The following NCAM2 variants were observed in gnomAD, a reference collection of about 807,000 sequenced individuals.
NCAM2 encodes the protein neural cell adhesion molecule 2.
A neutral mutation model predicts 98.1 loss-of-function variants in NCAM2; 30 were observed. The ratio of observed to expected loss-of-function variants is 0.31; its 90% CI spans 0.23 to 0.41. The LOEUF (loss-of-function observed/expected upper bound fraction) is 0.41. Ranked by LOEUF, NCAM2 falls within the 10% of genes least tolerant of loss-of-function variation. NCAM2 has a pLI of 1.00. For missense variants in NCAM2, 867 were observed against 1,005.8 expected (o/e 0.86, Z 1.87); for synonymous variants, 368 against 342.4 (o/e 1.07, Z -0.83).
At chr21:21,359,750 A>G (rs1051382810) in intron 8 of NCAM2, among the ~76,000 whole-genome samples, 1 of 151,946 alleles carries the variant, frequency 6.6e-6, no homozygotes, top group Non-Finnish European at 1.5e-5. Context: ...ACATCTGCTT[A>G]TGAAGTAGTC....
chr21:21,376,009 A>AG (rs1201783925), intron 9 of NCAM2, among the ~76,000 whole-genome samples: 1 of 151,864 alleles, frequency 6.6e-6, no homozygotes, highest in Admixed American at 6.6e-5. Context: ...ACAGTAAGGC[A>AG]GAGTGGCTCG....
intron 5 of NCAM2, among the ~76,000 whole-genome samples, chr21:21,298,526 T>C (rs2073575619): frequency 6.6e-6 from 1 of 151,574 alleles, no homozygotes; most frequent in African/African-American, 2.4e-5. Flanking sequence ...TTTCTCCTTA[T>C]CTCTTATATA....
intron 1 of NCAM2, among the ~76,000 whole-genome samples, chr21:21,228,172 G>A (rs73316755): frequency 7.3e-5 from 11 of 151,500 alleles, no homozygotes; most frequent in Admixed American, 6.6e-4. Flanking sequence ...GCCAATTATG[G>A]TCTCACTAGT....
At chr21:21,318,609 T>A (rs2074286956) in intron 5 of NCAM2, among the ~76,000 whole-genome samples, 1 of 152,214 alleles carries the variant, frequency 6.6e-6, no homozygotes, top group Middle Eastern at 3.2e-3. Context: ...GAAAATTGTA[T>A]AATGTCTACT....
intron 7 of NCAM2, 121 bp downstream of exon 7, chr21:21,335,786 AAT>A: frequency 1.1e-6 from 1 of 891,730 alleles, no homozygotes. Flanking sequence ...TCTTCTCTGT[AAT>A]ATGTTTTTTA....
At chr21:21,261,146 A>G (rs1337211468) in intron 1 of NCAM2, among the ~76,000 whole-genome samples, 4 of 152,184 alleles carry the variant, frequency 2.6e-5, no homozygotes, top group Non-Finnish European at 4.4e-5. Context: ...ATTCAACAAG[A>G]AGATTTAACT....
At chr21:21,070,385 T>TCTAA (rs78321825) in intron 1 of NCAM2, among the ~76,000 whole-genome samples, 47,837 of 151,452 alleles carry the variant, frequency 0.32, 8,147 homozygotes, top group African/African-American at 0.44. Context: ...AAAGTCTTTC[T>TCTAA]CTGTCAAAAT....
At position 21,431,817 on chromosome 21, in the gene NCAM2, A is replaced by G. The variant is rs150944407; in HGVS notation, c.1481-291A>G. Among the ~76,000 whole-genome samples, 292 of 152,206 alleles carry G rather than the reference A, an allele frequency of 1.9e-3. 1 individual carries two copies. Among genetic ancestry groups the G allele is most frequent in the African/African-American group, 6.9e-3 (286 of 41,550 alleles). On this transcript the variant is annotated intron_variant, in intron 11 of 17. Coordinates refer to ENST00000400546, the MANE Select transcript of NCAM2 (RefSeq NM_004540.5). The stretch of plus-strand genomic sequence containing the variant: ...CACGAGATTGTTTTCCTGGACCTCA[A>G]TAAAATGTTTATATCGTATAGAAAA...
At chr21:21,133,664 T>C (rs1163576763) in intron 1 of NCAM2, among the ~76,000 whole-genome samples, 1 of 152,208 alleles carries the variant, frequency 6.6e-6, no homozygotes, top group Non-Finnish European at 1.5e-5. Context: ...AAAGATCTCA[T>C]AGAATTATTC....
At chr21:21,140,460 C>A (rs1476635846) in intron 1 of NCAM2, among the ~76,000 whole-genome samples, 2 of 152,088 alleles carry the variant, frequency 1.3e-5, no homozygotes, top group Non-Finnish European at 1.5e-5. Context: ...TAATGATAAT[C>A]TTTTCCTTTT....
At chr21:21,366,932 C>A (rs1471750895) in intron 8 of NCAM2, among the ~76,000 whole-genome samples, 2 of 151,960 alleles carry the variant, frequency 1.3e-5, no homozygotes, top group Non-Finnish European at 2.9e-5. Flanking sequence ...TGATGTATGA[C>A]TCCCTCAAAA....
intron 10 of NCAM2, among the ~76,000 whole-genome samples, chr21:21,416,568 A>T (rs1569039576): frequency 6.6e-6 from 1 of 152,146 alleles, no homozygotes; most frequent in Non-Finnish European, 1.5e-5. Flanking sequence ...TAAAACAGGT[A>T]TGCCTATATT....
chr21:21,239,211 C>T (rs528682649), intron 1 of NCAM2: 86 of 152,250 alleles, frequency 5.6e-4, no homozygotes, highest in African/African-American at 1.9e-3. Flanking sequence ...GAAATTTTTC[C>T]CTGAGGCATT....
intron 1 of NCAM2, among the ~76,000 whole-genome samples, chr21:21,156,101 C>G (rs1025100724): frequency 1.3e-5 from 2 of 151,962 alleles, no homozygotes; most frequent in African/African-American, 4.8e-5. Context: ...AATCCTAATC[C>G]ATATTCAATC....
intron 1 of NCAM2, among the ~76,000 whole-genome samples, chr21:21,010,986 A>AGCTT (rs1476068960): frequency 6.6e-6 from 1 of 152,058 alleles, no homozygotes; most frequent in African/African-American, 2.4e-5. Context: ...AAGGGCGAAG[A>AGCTT]GCTTGGATAA....
rs190402466 is a variant in NCAM2 at position 21,134,183 on chromosome 21, G to A, written c.55+135565G>A. Among the ~76,000 whole-genome samples the A allele has an allele frequency of 1.6e-3, 235 of 151,468 alleles. 2 individuals carry two copies. The highest frequency in any genetic ancestry group is 5.4e-3 in the African/African-American group (221 of 41,280). On this transcript the variant is annotated intron_variant, in intron 1 of 17. Transcript: ENST00000400546. ...TCCCGGGTCCAGGAGATTCTCCTGC[G>A]TCAGCCTCCTGAGTAGCTGGGATTA... is the stretch of plus-strand genomic sequence containing the variant.
At chr21:21,349,281 A>G (rs902509833) in intron 8 of NCAM2, among the ~76,000 whole-genome samples, 10 of 152,280 alleles carry the variant, frequency 6.6e-5, no homozygotes, top group African/African-American at 2.2e-4. Context: ...TTGAATACAC[A>G]TTTACCAAAA....
intron 1 of NCAM2, among the ~76,000 whole-genome samples, chr21:21,197,966 A>G: frequency 6.6e-6 from 1 of 152,220 alleles, no homozygotes; most frequent in East Asian, 1.9e-4. Context: ...AGATATAACC[A>G]GTGGTCTCCA....
intron 4 of NCAM2, among the ~76,000 whole-genome samples, chr21:21,286,733 C>T (rs80070116): frequency 1.0e-3 from 156 of 151,812 alleles, no homozygotes; most frequent in African/African-American, 3.5e-3. Flanking sequence ...AATGTACAAT[C>T]GTTAGCCTAA....
Sources: allele counts gnomAD v4.1 joint callset (sites outside exome capture counted in the v4.1 genomes callset), GRCh38; gene constraint gnomAD v4.1.1; transcripts MANE v1.5; gene names NCBI Gene and HGNC (gene_info 2026-07-23, HGNC 2026-07-21).